The following ADGRB3 variants were observed in gnomAD, a reference collection of about 807,000 sequenced individuals.
The protein encoded by ADGRB3 is adhesion G protein-coupled receptor B3.
In ADGRB3, 37 loss-of-function variants were observed where a neutral mutation model predicts 193.4. The ratio of observed to expected loss-of-function variants is 0.19; its 90% CI spans 0.15 to 0.25. The LOEUF is 0.25. Ranked by LOEUF, ADGRB3 falls within the 10% of genes least tolerant of loss-of-function variation. The pLI, the probability that ADGRB3 is intolerant of heterozygous loss-of-function variation, is 1.00. For synonymous variants in ADGRB3, 690 were observed against 644.2 expected, an observed-to-expected ratio of 1.07 and a Z score of -1.08; for missense variants, 1,637 against 1,852.9, an observed-to-expected ratio of 0.88 and a Z score of 2.14.
At chr6:69,138,704 T>A (rs540619297) in intron 17 of ADGRB3, among the ~76,000 whole-genome samples, 21 of 152,284 alleles carry the variant, frequency 1.4e-4, no homozygotes, top group African/African-American at 5.1e-4. Flanking sequence ...ATTTACAATA[T>A]TAAGTTTATA....
chr6:68,732,662 T>C (rs1582156171), intron 3 of ADGRB3, among the ~76,000 whole-genome samples: 1 of 151,892 alleles, frequency 6.6e-6, no homozygotes, highest in East Asian at 1.9e-4. Flanking sequence ...CTGAGATCGT[T>C]CTGCAAGGTG....
intron 3 of ADGRB3, among the ~76,000 whole-genome samples, chr6:68,803,615 C>T (rs928759970): frequency 2.6e-5 from 4 of 152,124 alleles, no homozygotes; most frequent in Non-Finnish European, 5.9e-5. Flanking sequence ...TTTCACTATC[C>T]TCTTCTTGTC....
intron 3 of ADGRB3, among the ~76,000 whole-genome samples, chr6:68,828,653 A>C (rs1290215812): frequency 1.4e-5 from 1 of 69,656 alleles, no homozygotes; most frequent in Non-Finnish European, 2.7e-5. Context: ...AGAAAATAGT[A>C]AAACAATGTG....
In ADGRB3 at chr6:69,361,241, A is replaced by C. The variant is rs772765610; in HGVS notation, c.3968A>C (p.Lys1323Thr). The change falls in exon 29 of 32, where the codon AAA becomes ACA. Residue 1323 changes from lysine (K) to threonine (T), a missense_variant. By Grantham distance (78) the Lys-to-Thr change is moderately conservative. This residue lies in a region of ADGRB3 where 368 missense variants were observed against 367.4 expected (regional missense o/e 1.00). Transcript: ENST00000370598. Reference protein sequence around the residue: ...RSSVNNQPSMKEESKMNIGME... With the variant: ...RSSVNNQPSMTEESKMNIGME... Reference sequence around the variant, plus strand: ...TCTGTAAATAACCAGCCTTCAATGAAAGAAGAAAGCAAAATGAATATTGGC... The same window carrying C: ...TCTGTAAATAACCAGCCTTCAATGACAGAAGAAAGCAAAATGAATATTGGC... 2.5e-6 allele frequency: 4 copies of C among 1,612,792 alleles called. No individual in the cohort carries two copies. The highest frequency in any genetic ancestry group is 3.3e-5 in the Admixed American group (2 of 59,804).
chr6:69,325,208 T>C (rs572978917), intron 21 of ADGRB3, among the ~76,000 whole-genome samples, 186 bp downstream of exon 21: 1 of 152,128 alleles, frequency 6.6e-6, no homozygotes, highest in Non-Finnish European at 1.5e-5. Flanking sequence ...GAAGTAAGTA[T>C]TGAATGCTCA....
At chr6:68,761,411 T>G (rs1053982373) in intron 3 of ADGRB3, among the ~76,000 whole-genome samples, 2 of 146,910 alleles carry the variant, frequency 1.4e-5, no homozygotes, top group African/African-American at 5.2e-5. Context: ...ACTAGTTAAT[T>G]CCATGGTGCT....
In ADGRB3 at chr6:69,324,894, C is replaced by T. The variant is rs749339565; in HGVS notation, c.2837C>T (p.Ala946Val). The T allele has an allele frequency of 3.1e-6, 5 of 1,613,726 alleles. No homozygotes were observed. The South Asian group carries it at 3.3e-5, about 11-fold the overall frequency. Residue 946 changes from alanine to valine, a missense_variant, in exon 21 of 32, where the codon GCA becomes GTA. Coordinates refer to ENST00000370598, the MANE Select transcript of ADGRB3 (RefSeq NM_001704.3). ...HNKSICTTTT[A>V]FLHFFFLASF... ...CAGAGTATCTGCACAACCACCACTG[C>T]ATTTTTGCACTTTTTCTTCCTGGCT...
chr6:69,088,577 T>A (rs946225342), intron 17 of ADGRB3, among the ~76,000 whole-genome samples: 4 of 152,196 alleles, frequency 2.6e-5, no homozygotes, highest in African/African-American at 9.7e-5. Context: ...TTTCACCATG[T>A]TGGCCAGTCT....
chr6:68,937,225 AAGAGAGAG>A (rs59088683), intron 5 of ADGRB3, among the ~76,000 whole-genome samples: 3 of 149,618 alleles, frequency 2.0e-5, no homozygotes, highest in African/African-American at 4.9e-5. Context: ...AAACTTAATG[AAGAGAGAG>A]AGAGAGAGAG....
chr6:69,039,580 T>G (rs1297493616), intron 13 of ADGRB3, among the ~76,000 whole-genome samples: 2 of 151,900 alleles, frequency 1.3e-5, no homozygotes, highest in Non-Finnish European at 2.9e-5. Flanking sequence ...TCAATCTAAA[T>G]AACAAAAAGA....
chr6:69,276,989 CTTTTTTTTTTTCCTTTTTTTT>C (rs1767316188), intron 20 of ADGRB3, among the ~76,000 whole-genome samples: 1 of 141,518 alleles, frequency 7.1e-6, no homozygotes, highest in Admixed American at 7.1e-5. Flanking sequence ...TATAGTCTTT[CTTTTTTTTTTTCCTTTTTTTT>C]TTTTTAGATG....
intron 17 of ADGRB3, among the ~76,000 whole-genome samples, chr6:69,170,366 C>T (rs1775240670): frequency 6.6e-6 from 1 of 152,154 alleles, no homozygotes; most frequent in Admixed American, 6.5e-5. Context: ...TTACGGCACT[C>T]AACTAGTATT....
intron 20 of ADGRB3, among the ~76,000 whole-genome samples, chr6:69,320,999 G>A (rs944208190): frequency 1.3e-5 from 2 of 151,622 alleles, no homozygotes; most frequent in African/African-American, 4.8e-5. Context: ...GAACTTCTGT[G>A]TCATCCATGC....
chr6:68,798,545 C>T (rs1354928636), intron 3 of ADGRB3, among the ~76,000 whole-genome samples: 2 of 151,226 alleles, frequency 1.3e-5, no homozygotes, highest in African/African-American at 4.9e-5. Flanking sequence ...GGGTGGGGGG[C>T]TAGACGAGGG....
intron 16 of ADGRB3, among the ~76,000 whole-genome samples, chr6:69,063,634 T>C (rs1358526836): frequency 6.6e-6 from 1 of 151,884 alleles, no homozygotes; most frequent in East Asian, 1.9e-4. Context: ...AAATACTAAG[T>C]CAAGGATCAG....
intron 31 of ADGRB3, among the ~76,000 whole-genome samples, chr6:69,384,410 C>A (rs758628464): frequency 2.2e-4 from 33 of 151,900 alleles, no homozygotes; most frequent in Non-Finnish European, 3.7e-4. Context: ...GAGATTAGAC[C>A]TAAACACATT....
intron 3 of ADGRB3, among the ~76,000 whole-genome samples, chr6:68,898,459 C>G (rs1004893673): frequency 1.3e-5 from 2 of 152,108 alleles, no homozygotes; most frequent in Admixed American, 1.3e-4. Context: ...CGCCAACTAT[C>G]TGAGTTTTCC....
chr6:68,838,112 A>T (rs193187239), intron 3 of ADGRB3, among the ~76,000 whole-genome samples: 1 of 152,296 alleles, frequency 6.6e-6, no homozygotes, highest in East Asian at 1.9e-4. Flanking sequence ...AATGCCAGGA[A>T]CTCTGCCAAC....
chr6:68,714,466 C>T (rs1272686239), intron 3 of ADGRB3, among the ~76,000 whole-genome samples: 3 of 151,640 alleles, frequency 2.0e-5, no homozygotes, highest in African/African-American at 7.3e-5. Context: ...AATAGCCGAT[C>T]TGGAAAATAA....
Sources: gnomAD v4.1 joint callset for allele counts (sites outside exome capture counted in the v4.1 genomes callset) on GRCh38, gnomAD v4.1.1 for gene constraint, gnomAD v4.1.1 regional missense constraint, MANE v1.5 for transcripts, NCBI Gene and HGNC (gene_info 2026-07-23, HGNC 2026-07-21) for gene names.